The following DNAH6 variants were observed in gnomAD, a reference collection of about 807,000 sequenced individuals.
The protein encoded by DNAH6 is dynein axonemal heavy chain 6.
A neutral mutation model predicts 491.4 loss-of-function variants in DNAH6; 340 were observed. That is an observed-to-expected ratio of 0.69 (90% CI 0.63 to 0.76). The LOEUF is 0.76. DNAH6 is among the 30% of genes least tolerant of loss of function. DNAH6 has a pLI of 0.00. For synonymous variants in DNAH6, 1,603 were observed against 1,686.1 expected (o/e 0.95, Z 1.21); for missense variants, 4,443 against 4,972.2 (o/e 0.89, Z 3.20).
intron 1 of DNAH6, 48 bp from the exon 2 acceptor site, chr2:84,517,771 C>A: frequency 1.4e-6 from 2 of 1,426,288 alleles, no homozygotes; most frequent in Middle Eastern, 2.5e-4. Flanking sequence ...CTTCCCCAAT[C>A]CTTTTGATCT....
intron 30 of DNAH6, among the ~76,000 whole-genome samples, chr2:84,635,064 G>C (rs1251686233): frequency 2.0e-5 from 3 of 152,114 alleles, no homozygotes; most frequent in African/African-American, 7.2e-5. Flanking sequence ...GGCCCTTTCG[G>C]AAGAGCCCCA....
intron 11 of DNAH6, among the ~76,000 whole-genome samples, chr2:84,559,096 C>T (rs1194300140): frequency 6.6e-6 from 1 of 152,034 alleles, no homozygotes; most frequent in Non-Finnish European, 1.5e-5. Context: ...ACATTTTCCA[C>T]CTACTACTGT....
rs1040275539 is a variant in DNAH6 at position 84,557,413 on chromosome 2, G to A, written c.1603-322G>A. ...TGTAATCCCAGCACTTTGGGAGGCC[G>A]AGGCGGGTGGATCATGAGGTCAGGA... On this transcript the variant is annotated intron_variant, in intron 10 of 76. Transcript: ENST00000389394. 4.0e-5 allele frequency among the ~76,000 whole-genome samples: 6 copies of A among 151,790 alleles called. No individual in the cohort carries two copies. In the East Asian group the frequency reaches 5.8e-4, roughly 15 times the overall value.
chr2:84,546,079 C>A (rs1032839094), intron 5 of DNAH6, among the ~76,000 whole-genome samples: 1 of 152,120 alleles, frequency 6.6e-6, no homozygotes, highest in Admixed American at 6.6e-5. Context: ...TTCTTTCTGA[C>A]CTACCTGTCC....
chr2:84,495,389 C>T, the DNAH6 span, among the ~76,000 whole-genome samples: 3 of 152,154 alleles, frequency 2.0e-5, no homozygotes, highest in Non-Finnish European at 4.4e-5. Flanking sequence ...TCTCGAACTC[C>T]TGACCTCAGG....
chr2:84,636,114 A>C (rs1177901231), intron 30 of DNAH6, among the ~76,000 whole-genome samples: 2 of 152,038 alleles, frequency 1.3e-5, no homozygotes, highest in Non-Finnish European at 2.9e-5. Context: ...CCCTGTCTGT[A>C]GCCTGTCCAA....
At chr2:84,565,383 G>T (rs1681090616) in intron 11 of DNAH6, among the ~76,000 whole-genome samples, 1 of 151,024 alleles carries the variant, frequency 6.6e-6, no homozygotes, top group Non-Finnish European at 1.5e-5. Flanking sequence ...ACTTGTTACT[G>T]GTCTGTTCGG....
intron 64 of DNAH6, among the ~76,000 whole-genome samples, chr2:84,781,087 A>G (rs1194202347): frequency 6.6e-6 from 1 of 152,172 alleles, no homozygotes; most frequent in Non-Finnish European, 1.5e-5. Flanking sequence ...ATTTTTCTGT[A>G]TATGTTAGAC....
chr2:84,732,764 TG>T (rs372941051), intron 61 of DNAH6, among the ~76,000 whole-genome samples: 1 of 152,370 alleles, frequency 6.6e-6, no homozygotes, highest in African/African-American at 2.4e-5. Context: ...ATGAATGAAT[TG>T]CTTAGCATAT....
chr2:84,468,801 T>C, the DNAH6 span, among the ~76,000 whole-genome samples: 1 of 152,182 alleles, frequency 6.6e-6, no homozygotes. Context: ...TTTAATATGA[T>C]TTTTTAGAGC....
chr2:84,713,369 CCT>C lies in DNAH6; in HGVS notation c.9543+111_9543+112del, dbSNP rs1312415970. ...GAGGGAAAGTGCTCCCCCATTCTCC[CCT>C]GTCTCCTATACACTCCCCTTTCTTC... is the stretch of plus-strand genomic sequence containing the variant. On this transcript the variant is annotated intron_variant, in intron 57 of 76. Transcript: ENST00000389394. 4 of 1,075,866 alleles carry C rather than the reference CCT, an allele frequency of 3.7e-6. No homozygotes were observed. In the Admixed American group the frequency reaches 7.7e-5, roughly 21 times the overall value. The allele number at this position is 1,075,866 out of a possible 1,614,324, so 66.6% of individuals were successfully genotyped here.
In DNAH6 at chr2:84,704,159, C is replaced by T. The variant is rs922139524; in HGVS notation, c.8322C>T (p.Asp2774=). 1.4e-5 allele frequency: 22 copies of T among 1,551,750 alleles called. No individual in the cohort carries two copies. Among genetic ancestry groups the T allele is most frequent in the African/African-American group, 1.2e-4 (9 of 73,040 alleles). The change falls in exon 51 of 77, where the codon GAC becomes GAT. Residue 2774 remains aspartate, a synonymous_variant. Transcript: ENST00000389394. ...CTGATGATGCTCAAAGAGATCTTGA[C>T]GAGGCACTACCTGCACTAGATGCTG... ...AIADDAQRDL[D]EALPALDAAN... is the part of the protein sequence containing the mutation.
chr2:84,501,216 T>G, the DNAH6 span, among the ~76,000 whole-genome samples: 1 of 152,226 alleles, frequency 6.6e-6, no homozygotes, highest in East Asian at 1.9e-4. Flanking sequence ...CCCAGTTTTT[T>G]GAGGGGTTTT....
At chr2:84,809,237 A>G (rs1205813019) in intron 72 of DNAH6, among the ~76,000 whole-genome samples, 1 of 152,210 alleles carries the variant, frequency 6.6e-6, no homozygotes, top group Non-Finnish European at 1.5e-5. Context: ...GAAAATATTG[A>G]GCATTGACAG....
intron 55 of DNAH6, 91 bp from the exon 56 acceptor site, chr2:84,710,196 T>C (rs1292924983): frequency 6.1e-6 from 9 of 1,464,542 alleles, no homozygotes; most frequent in African/African-American, 1.4e-5. Flanking sequence ...CTAGATTGAA[T>C]AACATTTCCA....
rs1211607288 is a variant in DNAH6 at position 84,534,019 on chromosome 2, G to A, written c.662+4853G>A. Reference sequence around the variant, plus strand: ...GGCTCACACTACCCATCATTCAGATGGCTAAAGAGAACCTTCTTATTAATT... The same window carrying A: ...GGCTCACACTACCCATCATTCAGATAGCTAAAGAGAACCTTCTTATTAATT... On this transcript the variant is annotated intron_variant, in intron 4 of 76. Transcript: ENST00000389394. 1.3e-5 allele frequency among the ~76,000 whole-genome samples: 2 copies of A among 152,098 alleles called. 1 individual carries two copies. Among genetic ancestry groups the A allele is most frequent in the East Asian group, 3.9e-4 (2 of 5,174 alleles).
intron 75 of DNAH6, among the ~76,000 whole-genome samples, chr2:84,814,826 T>C (rs1402589318): frequency 1.3e-5 from 2 of 152,218 alleles, no homozygotes; most frequent in Non-Finnish European, 2.9e-5. Context: ...TCAGACTGTC[T>C]AACTGGCCTG....
rs753421000 is a variant in DNAH6 at position 84,785,647 on chromosome 2, T to G, written c.10991T>G (p.Ile3664Ser). The G allele has an allele frequency of 1.3e-6, 2 of 1,547,880 alleles. No homozygotes were observed. The highest frequency in any genetic ancestry group is 2.4e-5 in the South Asian group (2 of 82,840). ...NEPPKGLRANIRRAFTEMTPS... is the reference protein window; with the variant it reads ...NEPPKGLRANSRRAFTEMTPS... ...CCTCCAAAAGGCTTACGTGCAAATA[T>G]CAGACGAGCATTTACTGAAATGACA... Residue 3664 changes from isoleucine (I) to serine (S), a missense_variant, in exon 67 of 77, where the codon ATC becomes AGC. Ile to Ser is a moderately radical substitution (Grantham distance 142, BLOSUM62 -2). Transcript: ENST00000389394.
chr2:84,765,632 C>G (rs569475983), intron 64 of DNAH6, among the ~76,000 whole-genome samples: 1 of 151,610 alleles, frequency 6.6e-6, no homozygotes, highest in Non-Finnish European at 1.5e-5. Flanking sequence ...GATATACAGT[C>G]GAATATTTCC....
Sources: gnomAD v4.1 joint callset for allele counts (sites outside exome capture counted in the v4.1 genomes callset) on GRCh38, gnomAD v4.1.1 for gene constraint, MANE v1.5 for transcripts, NCBI Gene and HGNC (gene_info 2026-07-23, HGNC 2026-07-21) for gene names.